The following ZBTB43 variants were observed in gnomAD, a reference collection of about 807,000 sequenced individuals.
ZBTB43 encodes the protein zinc finger and BTB domain-containing protein 43.
In ZBTB43, 6 loss-of-function variants were observed where a neutral mutation model predicts 31.1. The observed-to-expected ratio is 0.19, with a 90% CI of 0.11 to 0.38. The LOEUF is 0.38. Ranked by LOEUF, ZBTB43 falls within the 10% of genes least tolerant of loss-of-function variation. ZBTB43 has a pLI of 1.00. For synonymous variants in ZBTB43, 212 were observed against 221.7 expected, an observed-to-expected ratio of 0.96 and a Z score of 0.39; for missense variants, 379 against 602.1, an observed-to-expected ratio of 0.63 and a Z score of 3.88.
In ZBTB43 at chr9:126,822,430, T is replaced by C. The variant is rs377745388; in HGVS notation, c.-23-10057T>C. On this transcript the variant is annotated intron_variant, in intron 2 of 2. Transcript: ENST00000373464. ...GAAAGAATCAATTGATGTGGCAAACTTCACTGTTGTCCTATTTTAAGAAAT... is the reference window on the plus strand; with the variant it reads ...GAAAGAATCAATTGATGTGGCAAACCTCACTGTTGTCCTATTTTAAGAAAT... Among the ~76,000 whole-genome samples, 21 of 152,278 alleles carry C rather than the reference T, an allele frequency of 1.4e-4. No individual in the cohort carries two copies. The South Asian group carries it at 4.1e-3, about 30-fold the overall frequency.
chr9:126,831,862 G>A (rs2032770020), intron 2 of ZBTB43: 1 of 151,730 alleles, frequency 6.6e-6, no homozygotes, highest in Non-Finnish European at 1.5e-5. Flanking sequence ...GGAGGCCAAG[G>A]CAGGAGAATC....
chr9:126,820,967 C>CAAA lies in ZBTB43; in HGVS notation c.-23-11502_-23-11500dup, dbSNP rs36023653. Among the ~76,000 whole-genome samples, 419 of 83,362 alleles carry CAAA rather than the reference C, an allele frequency of 5.0e-3. 8 individuals carry two copies. The highest frequency in any genetic ancestry group is 6.7e-3 in the Non-Finnish European group (321 of 48,238). 54.7% of individuals were successfully genotyped at this position (83,362 alleles called of 152,430 possible). A position where few individuals can be genotyped will look rare whatever the true frequency, so the allele number is the denominator to read the frequency against. On this transcript the variant is annotated intron_variant, in intron 2 of 2. Coordinates refer to ENST00000373464, the MANE Select transcript of ZBTB43 (RefSeq NM_014007.4). ...GGGTGACAAAGTGAGACCCCCATCT[C>CAAA]AAAAAAAAAAAAAAAAAAAAGGATA...
At chr9:126,827,179 C>A (rs1436675750) in intron 2 of ZBTB43, among the ~76,000 whole-genome samples, 2 of 152,164 alleles carry the variant, frequency 1.3e-5, no homozygotes, top group African/African-American at 4.8e-5. Context: ...CCGTGCAAAC[C>A]AGCCTGTGAC....
chr9:126,824,754 A>T (rs1312211177), intron 2 of ZBTB43, among the ~76,000 whole-genome samples: 1 of 152,150 alleles, frequency 6.6e-6, no homozygotes, highest in Non-Finnish European at 1.5e-5. Flanking sequence ...ATGTGTCTTT[A>T]TCCTGCCTAG....
At chr9:126,820,721 A>C (rs933334886) in intron 2 of ZBTB43, among the ~76,000 whole-genome samples, 5 of 152,110 alleles carry the variant, frequency 3.3e-5, no homozygotes, top group Non-Finnish European at 5.9e-5. Context: ...TAATCCTAGC[A>C]CTTCGGGAGG....
intron 2 of ZBTB43, among the ~76,000 whole-genome samples, chr9:126,813,041 C>T (rs2032283703): frequency 6.6e-6 from 1 of 151,248 alleles, no homozygotes; most frequent in Non-Finnish European, 1.5e-5. Context: ...AGTGCTTTGG[C>T]ATGATCTCGG....
At chr9:126,821,493 AAGTTGATTCCAACCCTC>A (rs1158452029) in intron 2 of ZBTB43, among the ~76,000 whole-genome samples, 2 of 152,246 alleles carry the variant, frequency 1.3e-5, no homozygotes, top group Non-Finnish European at 2.9e-5. Flanking sequence ...GCCTTAACAG[AAGTTGATTCCAACCCTC>A]ATGGATGACT....
intron 2 of ZBTB43, among the ~76,000 whole-genome samples, chr9:126,820,771 C>T (rs1165752082): frequency 6.6e-6 from 1 of 151,770 alleles, no homozygotes; most frequent in Non-Finnish European, 1.5e-5. Context: ...GGTCCAAGAC[C>T]AACCTGAGCA....
Position 126,806,971 on chromosome 9 carries a change from A to C in ZBTB43, c.-146-1822A>C, listed in dbSNP as rs114465611. On this transcript the variant is annotated intron_variant, in intron 1 of 2. Coordinates refer to ENST00000373464, the MANE Select transcript of ZBTB43 (RefSeq NM_014007.4). ...TATGCTTTTCACAGGAAGAAAACTC[A>C]TAAGGTTGAAAAATAGCCCTTTTAT... 4.6e-3 allele frequency among the ~76,000 whole-genome samples: 706 copies of C among 152,362 alleles called. 6 individuals carry two copies. The highest frequency in any genetic ancestry group is 0.016 in the African/African-American group (682 of 41,586).
intron 2 of ZBTB43, among the ~76,000 whole-genome samples, chr9:126,809,803 AT>A (rs1449606667): frequency 6.6e-6 from 1 of 152,198 alleles, no homozygotes; most frequent in Non-Finnish European, 1.5e-5. Flanking sequence ...GATTAAAAAA[AT>A]AAAATACATG....
At chr9:126,809,530 T>C (rs889513946) in intron 2 of ZBTB43, among the ~76,000 whole-genome samples, 3 of 152,324 alleles carry the variant, frequency 2.0e-5, no homozygotes, top group Non-Finnish European at 4.4e-5. Context: ...TGCTTCCCTA[T>C]TATATTGCTG....
chr9:126,832,944 C>T lies in ZBTB43; in HGVS notation c.435C>T (p.Ser145=). 1.2e-6 allele frequency: 2 copies of T among 1,613,830 alleles called. No individual in the cohort carries two copies. Among genetic ancestry groups the T allele is most frequent in the East Asian group, 2.2e-5 (1 of 44,868 alleles). ...NHGSDHQSPS[S]SSYNGLVESF... Reference sequence around the variant, plus strand: ...GCAGTGACCACCAGTCACCAAGCAGCAGTAGTTATAATGGCCTGGTAGAGA... The same window carrying T: ...GCAGTGACCACCAGTCACCAAGCAGTAGTAGTTATAATGGCCTGGTAGAGA... Residue 145 remains serine, a synonymous_variant, in exon 3 of 3, where the codon AGC becomes AGT. Coordinates refer to ENST00000373464, the MANE Select transcript of ZBTB43 (RefSeq NM_014007.4).
Position 126,832,801 on chromosome 9 carries a change from C to T in ZBTB43, c.292C>T (p.Pro98Ser), listed in dbSNP as rs778029601. Residue 98 changes from proline (P) to serine (S), a missense_variant, in exon 3 of 3, where the codon CCA becomes TCA. Around this residue, in one of 5 missense-constraint regions of ZBTB43, gnomAD observed 79 missense variants for 134.4 expected, o/e 0.59. Coordinates refer to ENST00000373464, the MANE Select transcript of ZBTB43 (RefSeq NM_014007.4). ...TACAGGACGTCTAGTAATGCCCGCTCCAGAAATTGTTAGTTACTTGACAGC... is the reference window on the plus strand; with the variant it reads ...TACAGGACGTCTAGTAATGCCCGCTTCAGAAATTGTTAGTTACTTGACAGC... ...SYTGRLVMPA[P>S]EIVSYLTAAS... is the part of the protein sequence containing the mutation. 19 of 1,614,104 alleles carry T rather than the reference C, an allele frequency of 1.2e-5. No homozygotes were observed. The highest frequency in any genetic ancestry group is 1.6e-5 in the Non-Finnish European group (19 of 1,180,030).
At chr9:126,815,647 T>C (rs2032367830) in intron 2 of ZBTB43, among the ~76,000 whole-genome samples, 1 of 117,652 alleles carries the variant, frequency 8.5e-6, no homozygotes, top group Admixed American at 9.4e-5. Flanking sequence ...TTTGGGTCTC[T>C]CTCTCTCTCT....
At position 126,837,997 on chromosome 9, in the gene ZBTB43, A is replaced by G. The variant is rs917763899; in HGVS notation, c.*4084A>G. On this transcript the variant is annotated 3_prime_UTR_variant, in exon 3 of 3. Coordinates refer to ENST00000373464, the MANE Select transcript of ZBTB43 (RefSeq NM_014007.4). ...CACAAAACCATTTGATGATAAACAGATTATCATTAGGTGCATATCTTATTG... is the reference window on the plus strand; with the variant it reads ...CACAAAACCATTTGATGATAAACAGGTTATCATTAGGTGCATATCTTATTG... The G allele has an allele frequency of 6.0e-6, 1 of 166,994 alleles. No individual in the cohort carries two copies. The allele number at this position is 166,994 out of a possible 1,614,324, so 10.3% of individuals were successfully genotyped here. A position where few individuals can be genotyped will look rare whatever the true frequency, so the allele number is the denominator to read the frequency against.
intron 2 of ZBTB43, among the ~76,000 whole-genome samples, chr9:126,814,700 G>A (rs768301700): frequency 2.6e-4 from 39 of 152,098 alleles, no homozygotes; most frequent in Non-Finnish European, 4.7e-4. Flanking sequence ...GGCTGAGGCA[G>A]GAGAATGGTG....
chr9:126,830,836 G>T (rs2032748766), intron 2 of ZBTB43, among the ~76,000 whole-genome samples: 1 of 151,564 alleles, frequency 6.6e-6, no homozygotes, highest in African/African-American at 2.4e-5. Context: ...GTTAGGAATT[G>T]TTTCTAATGC....
At chr9:126,814,966 C>T (rs2032343257) in intron 2 of ZBTB43, among the ~76,000 whole-genome samples, 1 of 149,616 alleles carries the variant, frequency 6.7e-6, no homozygotes, top group South Asian at 2.1e-4. Flanking sequence ...TCTCTGTACA[C>T]AAGGGGCCTT....
chr9:126,833,519 A>G lies in ZBTB43; in HGVS notation c.1010A>G (p.His337Arg). 1.2e-6 allele frequency: 2 copies of G among 1,614,212 alleles called. No individual in the cohort carries two copies. The highest frequency in any genetic ancestry group is 1.1e-5 in the South Asian group (1 of 91,082). Residue 337 changes from histidine to arginine, a missense_variant, in exon 3 of 3, where the codon CAC becomes CGC. Coordinates refer to ENST00000373464, the MANE Select transcript of ZBTB43 (RefSeq NM_014007.4). The surrounding 1 kb of genome is among the most constrained non-coding windows in gnomAD (Gnocchi z 7.9). The stretch of plus-strand genomic sequence containing the variant: ...AGGTCAGATGGGAATCTAATTGGGC[A>G]CAGACAGGAGGCTGCCCTCGCAGCA... ...GERSDGNLIG[H>R]RQEAALAAGY...
Sources: allele counts gnomAD v4.1 joint callset (sites outside exome capture counted in the v4.1 genomes callset), GRCh38; gene constraint gnomAD v4.1.1; regional missense constraint gnomAD v4.1.1; non-coding constraint Gnocchi (gnomAD v3.1); transcripts MANE v1.5; gene names NCBI Gene and HGNC (gene_info 2026-07-23, HGNC 2026-07-21).